ZNF626: variants seen among roughly 807,000 people sequenced by gnomAD.
ZNF626 encodes the protein CTC-513N18.7.
Under a neutral mutation model 11.7 loss-of-function variants are expected in ZNF626, and 4 were observed. The observed-to-expected ratio is 0.34, with a 90% CI of 0.17 to 0.78. The LOEUF (loss-of-function observed/expected upper bound fraction) is 0.78, where lower values mean the gene tolerates loss of function less well. ZNF626 is among the 30% of genes least tolerant of loss of function. The pLI is 0.57. For synonymous variants in ZNF626, 179 were observed against 198.6 expected, an observed-to-expected ratio of 0.90 and a Z score of 0.83; for missense variants, 588 against 587.1, an observed-to-expected ratio of 1.00 and a Z score of -0.01.
At chr19:20,631,569 T>C (rs1168345544) in intron 3 of ZNF626, among the ~76,000 whole-genome samples, 5 of 148,154 alleles carry the variant, frequency 3.4e-5, no homozygotes, top group Non-Finnish European at 7.4e-5. Flanking sequence ...TTGATCTTTG[T>C]TGGTTTAAAG....
rs1352082078 is a variant in ZNF626 at position 20,622,879 on chromosome 19, TCTG to T, written c.*1408_*1410del. On this transcript the variant is annotated 3_prime_UTR_variant, in exon 4 of 4. Transcript: ENST00000601440. ...TGCAAAAATATATTTTAGTATAAAC[TCTG>T]CTGTTTTCTAAGCTGTAGTTTTTTT... 5 of 151,444 alleles carry T rather than the reference TCTG, an allele frequency of 3.3e-5. No individual in the cohort carries two copies. The East Asian group carries it at 5.8e-4, about 18-fold the overall frequency. 9.4% of individuals were successfully genotyped at this position (151,444 alleles called of 1,614,324 possible). A position where few individuals can be genotyped will look rare whatever the true frequency, so the allele number is the denominator to read the frequency against.
At position 20,650,217 on chromosome 19, in the gene ZNF626, T is replaced by G. The variant is rs564584200; in HGVS notation, c.4-3812A>C. On this transcript the variant is annotated intron_variant, in intron 1 of 3. Coordinates refer to ENST00000601440, the MANE Select transcript of ZNF626 (RefSeq NM_001076675.3). ...GTAAAGGGCCCAGGATTTTTATTGCTTCTTCTGTTTCTCTGCCATCAAATT... is the reference window on the plus strand; with the variant it reads ...GTAAAGGGCCCAGGATTTTTATTGCGTCTTCTGTTTCTCTGCCATCAAATT... 2.6e-5 allele frequency among the ~76,000 whole-genome samples: 4 copies of G among 151,794 alleles called. No individual in the cohort carries two copies. The South Asian group carries it at 8.3e-4, about 32-fold the overall frequency.
At chr19:20,630,065 A>G (rs1317504193) in intron 3 of ZNF626, among the ~76,000 whole-genome samples, 4 of 152,102 alleles carry the variant, frequency 2.6e-5, no homozygotes, top group Non-Finnish European at 5.9e-5. Flanking sequence ...GGTTCTGTTT[A>G]TATGCTGGAG....
At chr19:20,642,731 T>A (rs1042515959) in intron 3 of ZNF626, among the ~76,000 whole-genome samples, 70 of 151,574 alleles carry the variant, frequency 4.6e-4, no homozygotes, top group African/African-American at 1.7e-3. Context: ...TTACGAAAAT[T>A]TGTCAGGCCA....
At chr19:20,645,014 C>A (rs762770191) in intron 3 of ZNF626, 21 of 156,930 alleles carry the variant, frequency 1.3e-4, no homozygotes, top group Non-Finnish European at 2.4e-4. Flanking sequence ...TATTGAAGTG[C>A]CATATTATCC....
chr19:20,643,956 T>G (rs781940002), intron 3 of ZNF626, among the ~76,000 whole-genome samples: 2 of 152,212 alleles, frequency 1.3e-5, no homozygotes, highest in African/African-American at 2.4e-5. Context: ...CCCCTGTTCT[T>G]GGCTACAGAC....
At position 20,632,435 on chromosome 19, in the gene ZNF626, T is replaced by C. The variant is rs575563028; in HGVS notation, c.227-6785A>G. Among the ~76,000 whole-genome samples the C allele has an allele frequency of 7.2e-5, 11 of 152,338 alleles. No homozygotes were observed. The East Asian group carries it at 1.5e-3, about 21-fold the overall frequency. Reference sequence around the variant, plus strand: ...CACTTTTAGATACACCAATCAGATGTAGATTTGGTCTTTTCACATAGTCCC... The same window carrying C: ...CACTTTTAGATACACCAATCAGATGCAGATTTGGTCTTTTCACATAGTCCC... On this transcript the variant is annotated intron_variant, in intron 3 of 3. Coordinates refer to ENST00000601440, the MANE Select transcript of ZNF626 (RefSeq NM_001076675.3).
Position 20,636,882 on chromosome 19 carries a change from A to G in ZNF626, c.226+8802T>C, listed in dbSNP as rs946020265. Among the ~76,000 whole-genome samples the G allele has an allele frequency of 6.6e-5, 10 of 152,196 alleles. 1 individual carries two copies. In the South Asian group the frequency reaches 2.1e-3, roughly 32 times the overall value. On this transcript the variant is annotated intron_variant, in intron 3 of 3. Coordinates refer to ENST00000601440, the MANE Select transcript of ZNF626 (RefSeq NM_001076675.3). ...CTAAAAGTGCAAAAATTATTTGGGCATGGTGGCACATTCCTGTTGTCCCAG... is the reference window on the plus strand; with the variant it reads ...CTAAAAGTGCAAAAATTATTTGGGCGTGGTGGCACATTCCTGTTGTCCCAG...
rs376276756 is a variant in ZNF626 at position 20,645,686 on chromosome 19, G to C, written c.224C>G (p.Ser75Ter). ...TATTCATTTTCACTCACACCTACCT[G>C]AGGGTTTGGCTATCATCTCATTTCT... ...MKRNEMIAKPSVMCSHFAQDL... is the reference protein window; with the variant it reads ...MKRNEMIAKP The change falls in exon 3 of 4, where the codon TCA (serine) becomes TGA (stop). Residue 75 changes from serine to a stop codon, truncating the protein, a stop_gained and splice_region_variant. Transcript: ENST00000601440. LOFTEE classifies it low-confidence loss of function (END_TRUNC). 12 of 1,609,122 alleles carry C rather than the reference G, an allele frequency of 7.5e-6. No individual in the cohort carries two copies. In the African/African-American group the frequency reaches 1.6e-4, roughly 22 times the overall value.
At chr19:20,636,822 A>G (rs1969970197) in intron 3 of ZNF626, among the ~76,000 whole-genome samples, 1 of 152,140 alleles carries the variant, frequency 6.6e-6, no homozygotes, top group Admixed American at 6.5e-5. Flanking sequence ...GGAGTCCAAG[A>G]CCAGCCTGAA....
rs1969760605 is a variant in ZNF626, at chr19:20,621,759, A to C, written c.*2531T>G. On this transcript the variant is annotated 3_prime_UTR_variant, in exon 4 of 4. Coordinates refer to ENST00000601440, the MANE Select transcript of ZNF626 (RefSeq NM_001076675.3). ...ACTGGCAAAGTGATTACTAGTGATG[A>C]CATTCCACTACATACCAAATAGTAT... 6.6e-6 allele frequency: 1 copy of C among 152,252 alleles called. No homozygotes were observed. Among genetic ancestry groups the C allele is most frequent in the Non-Finnish European group, 1.5e-5 (1 of 68,044 alleles). 9.4% of individuals were successfully genotyped at this position (152,252 alleles called of 1,614,324 possible). A position where few individuals can be genotyped will look rare whatever the true frequency, so the allele number is the denominator to read the frequency against.
At chr19:20,645,323 TTA>T (rs1555771787) in intron 3 of ZNF626, 5 of 1,554,652 alleles carry the variant, frequency 3.2e-6, no homozygotes, top group Non-Finnish European at 4.3e-6. Flanking sequence ...GAGAGTAATT[TTA>T]GTTTCTCAAA....
At chr19:20,628,915 G>A (rs1212094094) in intron 3 of ZNF626, among the ~76,000 whole-genome samples, 1 of 152,134 alleles carries the variant, frequency 6.6e-6, no homozygotes, top group Non-Finnish European at 1.5e-5. Flanking sequence ...TATGGTTTTA[G>A]GTCTAACATT....
In ZNF626 at chr19:20,623,999, C is replaced by T; in HGVS notation, c.*291G>A. 3.5e-6 allele frequency: 2 copies of T among 566,484 alleles called. No homozygotes were observed. Among genetic ancestry groups the T allele is most frequent in the South Asian group, 2.0e-5 (1 of 50,960 alleles). The allele number at this position is 566,484 out of a possible 1,614,324, so 35.1% of individuals were successfully genotyped here. A position where few individuals can be genotyped will look rare whatever the true frequency, so the allele number is the denominator to read the frequency against. On this transcript the variant is annotated 3_prime_UTR_variant, in exon 4 of 4. Coordinates refer to ENST00000601440, the MANE Select transcript of ZNF626 (RefSeq NM_001076675.3). ...ATTGAGGGCTGGTTAAAAGATTTTC[C>T]CCATTCATCACATTCACATGGTTTC...
intron 3 of ZNF626, among the ~76,000 whole-genome samples, chr19:20,632,459 C>T (rs544189846): frequency 6.6e-6 from 1 of 152,214 alleles, no homozygotes; most frequent in African/African-American, 2.4e-5. Flanking sequence ...TCACATAGTC[C>T]CATATTTCTT....
intron 3 of ZNF626, among the ~76,000 whole-genome samples, chr19:20,625,987 C>A (rs1435527944): frequency 6.6e-6 from 1 of 152,144 alleles, no homozygotes; most frequent in African/African-American, 2.4e-5. Context: ...TGTTGACTGG[C>A]TGGGGTGACA....
In ZNF626 at chr19:20,622,389, G is replaced by C. The variant is rs1371728895; in HGVS notation, c.*1901C>G. On this transcript the variant is annotated 3_prime_UTR_variant, in exon 4 of 4. Transcript: ENST00000601440. ...CTACCTTAAACATTACTTAATATAG[G>C]TTAACTACAATGAGCCTCTCCACTT... 6.6e-6 allele frequency: 1 copy of C among 151,932 alleles called. No homozygotes were observed. Among genetic ancestry groups the C allele is most frequent in the East Asian group, 1.9e-4 (1 of 5,174 alleles). The allele number at this position is 151,932 out of a possible 1,614,324, so 9.4% of individuals were successfully genotyped here. A position where few individuals can be genotyped will look rare whatever the true frequency, so the allele number is the denominator to read the frequency against.
intron 1 of ZNF626, among the ~76,000 whole-genome samples, chr19:20,658,159 G>A (rs73010255): frequency 0.11 from 16,741 of 152,164 alleles, 1,062 homozygotes; most frequent in African/African-American, 0.17. Context: ...GTAGGTGAAT[G>A]GACTGATTTT....
At position 20,622,079 on chromosome 19, in the gene ZNF626, C is replaced by T. The variant is rs530669151; in HGVS notation, c.*2211G>A. The T allele has an allele frequency of 5.0e-4, 76 of 152,198 alleles. 1 individual carries two copies. Among genetic ancestry groups the T allele is most frequent in the African/African-American group, 1.7e-3 (71 of 41,510 alleles). 9.4% of individuals were successfully genotyped at this position (152,198 alleles called of 1,614,324 possible). A position where few individuals can be genotyped will look rare whatever the true frequency, so the allele number is the denominator to read the frequency against. On this transcript the variant is annotated 3_prime_UTR_variant, in exon 4 of 4. Transcript: ENST00000601440. ...TCACGCACCTGTAGTCCCCACTACT[C>T]GGGAGGCTGAGGCAGGAGAATTTCT...
Sources: gnomAD v4.1 joint callset for allele counts (sites outside exome capture counted in the v4.1 genomes callset) on GRCh38, gnomAD v4.1.1 for gene constraint, MANE v1.5 for transcripts, NCBI Gene and HGNC (gene_info 2026-07-23, HGNC 2026-07-21) for gene names.